NHSL1: variants seen among roughly 807,000 people sequenced by gnomAD.
NHSL1 encodes the protein NHS like 1.
Under a neutral mutation model 95.0 loss-of-function variants are expected in NHSL1, and 48 were observed. The ratio of observed to expected loss-of-function variants is 0.51; its 90% CI spans 0.40 to 0.64. The LOEUF (loss-of-function observed/expected upper bound fraction) is 0.64. Ranked by LOEUF, NHSL1 falls within the 30% of genes least tolerant of loss-of-function variation. The pLI, the probability that NHSL1 is intolerant of heterozygous loss-of-function variation, is 0.00. For synonymous variants in NHSL1, 783 were observed against 833.9 expected (o/e 0.94, Z 1.05); for missense variants, 1,971 against 2,077.7 (o/e 0.95, Z 1.00).
intron 1 of NHSL1, among the ~76,000 whole-genome samples, chr6:138,582,882 G>A (rs1163300190): frequency 6.6e-6 from 1 of 152,138 alleles, no homozygotes; most frequent in African/African-American, 2.4e-5. Flanking sequence ...ATAAGCAAAT[G>A]TTTATTGGGT....
At chr6:138,553,217 T>C (rs1440562873) in intron 1 of NHSL1, among the ~76,000 whole-genome samples, 1 of 152,206 alleles carries the variant, frequency 6.6e-6, no homozygotes, top group Non-Finnish European at 1.5e-5. Flanking sequence ...AGTGACCCCC[T>C]TGGTAAGCTC....
At chr6:138,592,628 A>G (rs1784247258) in intron 1 of NHSL1, among the ~76,000 whole-genome samples, 1 of 151,882 alleles carries the variant, frequency 6.6e-6, no homozygotes, top group African/African-American at 2.4e-5. Flanking sequence ...ACAAAAAACA[A>G]AAAACAACAA....
chr6:138,426,600 T>C (rs534645728), intron 7 of NHSL1, among the ~76,000 whole-genome samples: 227 of 152,040 alleles, frequency 1.5e-3, no homozygotes, highest in Non-Finnish European at 2.6e-3. Context: ...ACATAGAAAA[T>C]GGATTTAGTT....
chr6:138,536,600 A>ACCTTTTTT (rs1562356172), intron 1 of NHSL1, among the ~76,000 whole-genome samples: 1 of 100,512 alleles, frequency 9.9e-6, no homozygotes, highest in Non-Finnish European at 2.0e-5. Context: ...GACATATGTC[A>ACCTTTTTT]TCTTTTTTTT....
At chr6:138,684,684 G>GT (rs1785561549) in intron 1 of NHSL1, among the ~76,000 whole-genome samples, 1 of 151,994 alleles carries the variant, frequency 6.6e-6, no homozygotes, top group African/African-American at 2.4e-5. Context: ...TGGGGGGCCT[G>GT]TAAGCTCCTT....
chr6:138,556,729 C>T (rs12664229), intron 1 of NHSL1, among the ~76,000 whole-genome samples: 3 of 151,914 alleles, frequency 2.0e-5, no homozygotes, highest in Non-Finnish European at 4.4e-5. Context: ...TTCCCATTCG[C>T]ATTAATGAGG....
intron 1 of NHSL1, among the ~76,000 whole-genome samples, chr6:138,636,076 T>C (rs983876214): frequency 1.4e-5 from 2 of 142,430 alleles, no homozygotes; most frequent in African/African-American, 5.3e-5. Flanking sequence ...TGAGCTGAGA[T>C]AGTGCCACTA....
intron 2 of NHSL1, among the ~76,000 whole-genome samples, chr6:138,477,546 T>C (rs1779151991): frequency 6.6e-6 from 1 of 152,214 alleles, no homozygotes; most frequent in Non-Finnish European, 1.5e-5. Context: ...GAAGCTGTGG[T>C]GAGCTATGAT....
chr6:138,478,910 G>T (rs986785557), intron 2 of NHSL1, among the ~76,000 whole-genome samples: 1 of 152,122 alleles, frequency 6.6e-6, no homozygotes, highest in African/African-American at 2.4e-5. Flanking sequence ...GTAGACCAAA[G>T]TTTCAAATAC....
intron 1 of NHSL1, among the ~76,000 whole-genome samples, chr6:138,543,206 C>G (rs1455087918): frequency 6.6e-6 from 1 of 152,148 alleles, no homozygotes; most frequent in South Asian, 2.1e-4. Context: ...AGTGAAGGAA[C>G]GTACCATGCC....
chr6:138,620,212 AGTGAG>A (rs1784637389), intron 1 of NHSL1, among the ~76,000 whole-genome samples: 1 of 152,214 alleles, frequency 6.6e-6, no homozygotes, highest in South Asian at 2.1e-4. Flanking sequence ...CCAGCCCAGC[AGTGAG>A]GCAAAGCCCT....
intron 1 of NHSL1, among the ~76,000 whole-genome samples, chr6:138,633,207 A>G (rs1049237777): frequency 1.1e-4 from 17 of 152,214 alleles, no homozygotes; most frequent in African/African-American, 3.9e-4. Context: ...TACAAAAAAT[A>G]GCCTCAAAGA....
intron 1 of NHSL1, among the ~76,000 whole-genome samples, chr6:138,671,228 G>A (rs574964528): frequency 2.4e-4 from 36 of 152,062 alleles, no homozygotes; most frequent in Non-Finnish European, 3.4e-4. Context: ...AGGCCGAGGC[G>A]GGCAGATCAC....
At chr6:138,589,213 T>C (rs764524530) in intron 1 of NHSL1, among the ~76,000 whole-genome samples, 8 of 152,166 alleles carry the variant, frequency 5.3e-5, no homozygotes, top group Non-Finnish European at 1.2e-4. Flanking sequence ...CTCAGAAGTG[T>C]ATCCTGTGCG....
chr6:138,482,445 CAAAAA>C (rs34849976), intron 2 of NHSL1, among the ~76,000 whole-genome samples: 14 of 81,234 alleles, frequency 1.7e-4, no homozygotes, highest in Non-Finnish European at 2.4e-4. Flanking sequence ...GACTCCGTCT[CAAAAA>C]AAAAAAAAAA....
chr6:138,549,035 A>G (rs1782907396), upstream of NHSL1, among the ~76,000 whole-genome samples: 1 of 151,840 alleles, frequency 6.6e-6, no homozygotes, highest in Non-Finnish European at 1.5e-5. Context: ...AAGAATCAAG[A>G]TGAGATGATA....
chr6:138,599,231 G>A (rs2114553555), intron 1 of NHSL1, among the ~76,000 whole-genome samples: 1 of 152,264 alleles, frequency 6.6e-6, no homozygotes, highest in South Asian at 2.1e-4. Context: ...AAAATGTAAG[G>A]CCAGGCGCAG....
At chr6:138,496,516 C>T in intron 1 of NHSL1, 145 bp from the exon 2 acceptor site, 2 of 776,992 alleles carry the variant, frequency 2.6e-6, no homozygotes, top group South Asian at 3.4e-5. Context: ...TAGTTTTAAT[C>T]TTAGATTCCA....
At chr6:138,637,005 CA>C (rs1388053340) in intron 1 of NHSL1, among the ~76,000 whole-genome samples, 1 of 152,134 alleles carries the variant, frequency 6.6e-6, no homozygotes, top group African/African-American at 2.4e-5. Flanking sequence ...TTCCTGACTT[CA>C]AATGATACTA....
Sources: gnomAD v4.1 joint callset for allele counts (sites outside exome capture counted in the v4.1 genomes callset) on GRCh38, gnomAD v4.1.1 for gene constraint, MANE v1.5 for transcripts, NCBI Gene and HGNC (gene_info 2026-07-23, HGNC 2026-07-21) for gene names.